Variants in TMEM160 observed in about 807,000 individuals in gnomAD.
TMEM160 encodes transmembrane protein 160.
Under a neutral mutation model 13.9 loss-of-function variants are expected in TMEM160, and 10 were observed. The ratio of observed to expected loss-of-function variants is 0.72; its 90% CI spans 0.45 to 1.22. The LOEUF is 1.22. Among genes scored for constraint, TMEM160 ranks in the 50% most tolerant of loss-of-function variants. TMEM160 has a pLI of 0.00. For missense variants in TMEM160, 287 were observed against 283.2 expected (o/e 1.01, Z -0.10); for synonymous variants, 159 against 134.8 (o/e 1.18, Z -1.25).
At position 47,048,580 on chromosome 19, in the gene TMEM160, C is replaced by A. The variant is rs760005587; in HGVS notation, c.35G>T (p.Arg12Leu). 99 of 1,523,080 alleles carry A rather than the reference C, an allele frequency of 6.5e-5. No individual in the cohort carries two copies. Among genetic ancestry groups the A allele is most frequent in the Non-Finnish European group, 7.9e-5 (91 of 1,144,768 alleles). 94.3% of individuals were successfully genotyped at this position (1,523,080 alleles called of 1,614,324 possible). A position where few individuals can be genotyped will look rare whatever the true frequency, so the allele number is the denominator to read the frequency against. The change falls in exon 1 of 3, where the codon CGC becomes CTC. Residue 12 changes from arginine to leucine, a missense_variant. Arg to Leu is a moderately radical substitution (Grantham distance 102). Coordinates refer to ENST00000253047, the MANE Select transcript of TMEM160 (RefSeq NM_017854.2). ...CCTCCGGAAGCGAAGACGGGCAAGGCGAGCGGCCCGAGCCCACCACCAGCC... is the reference window on the plus strand; with the variant it reads ...CCTCCGGAAGCGAAGACGGGCAAGGAGAGCGGCCCGAGCCCACCACCAGCC... ...GGGWWWARAARLARLRFRRSL... is the reference protein window; with the variant it reads ...GGGWWWARAALLARLRFRRSL...
At position 47,046,614 on chromosome 19, in the gene TMEM160, T is replaced by C. The variant is rs762166519; in HGVS notation, c.280A>G (p.Met94Val). ...TCACCATATGCTGCTTCCCGACCCATGTCACTCTGCATGAAGGAGATGACC... is the reference window on the plus strand; with the variant it reads ...TCACCATATGCTGCTTCCCGACCCACGTCACTCTGCATGAAGGAGATGACC... ...IGVISFMQSDMGREAAYGFFL... is the reference protein window; with the variant it reads ...IGVISFMQSDVGREAAYGFFL... Residue 94 changes from methionine (M) to valine (V), a missense_variant, in exon 2 of 3, where the codon ATG becomes GTG. Physicochemically the swap from Met to Val is conservative, Grantham distance 21 (BLOSUM62 1). Coordinates refer to ENST00000253047, the MANE Select transcript of TMEM160 (RefSeq NM_017854.2). 11 of 1,613,084 alleles carry C rather than the reference T, an allele frequency of 6.8e-6. No individual in the cohort carries two copies. Among genetic ancestry groups the C allele is most frequent in the Middle Eastern group, 1.6e-4 (1 of 6,062 alleles).
At chr19:47,047,931 A>G (rs889877032) in intron 1 of TMEM160, 11 of 984,584 alleles carry the variant, frequency 1.1e-5, no homozygotes, top group Non-Finnish European at 9.6e-6. Context: ...CGCCCTCTGC[A>G]GCCTAGATCA....
rs776380800 is a variant in TMEM160, at chr19:47,046,226, C to T, written c.328G>A (p.Val110Met). The T allele has an allele frequency of 2.0e-6, 3 of 1,536,622 alleles. No individual in the cohort carries two copies. Among genetic ancestry groups the T allele is most frequent in the East Asian group, 2.4e-5 (1 of 40,986 alleles). The change falls in exon 3 of 3, where the codon GTG (valine) becomes ATG (methionine). Residue 110 changes from valine to methionine, a missense_variant. Transcript: ENST00000253047. The stretch of plus-strand genomic sequence containing the variant: ...GCGTACGAGGCGCTGCCCCACACCA[C>T]GCACAGGCCGCCCAGCAGGAAGAAG... ...YGFFLLGGLC[V>M]VWGSASYAVG...
At chr19:47,046,564 G>A (rs377540942) in intron 2 of TMEM160, 29 bp downstream of exon 2, 66 of 1,579,694 alleles carry the variant, frequency 4.2e-5, no homozygotes, top group Non-Finnish European at 5.1e-5. Context: ...CCCTGGTTCC[G>A]TGGGGCGAGA....
intron 1 of TMEM160, 96 bp downstream of exon 1, chr19:47,048,311 G>A (rs2057091800): frequency 1.8e-6 from 2 of 1,126,772 alleles, no homozygotes; most frequent in East Asian, 6.0e-5. Context: ...GCCGAGCCCG[G>A]GCCCCGTTTC....
intron 1 of TMEM160, chr19:47,047,640 CAA>C (rs2057088026): frequency 2.1e-6 from 2 of 947,208 alleles, no homozygotes; most frequent in Non-Finnish European, 2.5e-6. Context: ...TCTCTGAGCC[CAA>C]GAGTTCAGAC....
intron 1 of TMEM160, chr19:47,047,285 T>C (rs986957464): frequency 1.0e-6 from 1 of 985,356 alleles, no homozygotes; most frequent in African/African-American, 1.7e-5. Context: ...AGAACCTCCA[T>C]CTGAGGAGTC....
At position 47,048,557 on chromosome 19, in the gene TMEM160, T is replaced by C; in HGVS notation, c.58A>G (p.Arg20Gly). 6.6e-7 allele frequency: 1 copy of C among 1,512,436 alleles called. No individual in the cohort carries two copies. The highest frequency in any genetic ancestry group is 8.8e-7 in the Non-Finnish European group (1 of 1,138,654). 93.7% of individuals were successfully genotyped at this position (1,512,436 alleles called of 1,614,324 possible). ...AARLARLRFR[R>G]SLLPPQRPRS... is the part of the protein sequence containing the mutation. ...GGCCGCTGAGGCGGCAGTAGCGACC[T>C]CCGGAAGCGAAGACGGGCAAGGCGA... The change falls in exon 1 of 3, where the codon AGG (arginine) becomes GGG (glycine). Residue 20 changes from arginine to glycine, a missense_variant. Arg to Gly is a moderately radical substitution (Grantham distance 125, BLOSUM62 -2). Transcript: ENST00000253047.
chr19:47,047,749 G>A, intron 1 of TMEM160: 2 of 551,694 alleles, frequency 3.6e-6, no homozygotes, highest in Non-Finnish European at 4.6e-6. Flanking sequence ...AGGAGGCTGA[G>A]GCAAGAGGAT....
chr19:47,048,395 CT>C lies in TMEM160; in HGVS notation c.208+11del. 1 of 1,492,982 alleles carries C rather than the reference CT, an allele frequency of 6.7e-7. No individual in the cohort carries two copies. The highest frequency in any genetic ancestry group is 8.8e-7 in the Non-Finnish European group (1 of 1,130,176). 92.5% of individuals were successfully genotyped at this position (1,492,982 alleles called of 1,614,324 possible). On this transcript the variant is annotated intron_variant, in intron 1 of 2. Coordinates refer to ENST00000253047, the MANE Select transcript of TMEM160 (RefSeq NM_017854.2). Reference sequence around the variant, plus strand: ...CGTCCCATCCGCACCGCCCCCACCCCTAGCCACCGACCTGTCTCGTGCGCTT... The same window carrying C: ...CGTCCCATCCGCACCGCCCCCACCCCAGCCACCGACCTGTCTCGTGCGCTT...
In TMEM160 at chr19:47,048,606, G is replaced by A. The variant is rs560957693; in HGVS notation, c.9C>T (p.Gly3=). The A allele has an allele frequency of 5.5e-5, 84 of 1,533,786 alleles. 1 individual carries two copies. The highest frequency in any genetic ancestry group is 2.7e-5 in the Non-Finnish European group (31 of 1,149,972). MG[G]GWWWARAARL... ...GAGCGGCCCGAGCCCACCACCAGCCGCCTCCCATGATTCGCACTACGGCCG... is the reference window on the plus strand; with the variant it reads ...GAGCGGCCCGAGCCCACCACCAGCCACCTCCCATGATTCGCACTACGGCCG... The change falls in exon 1 of 3, where the codon GGC becomes GGT. Residue 3 remains glycine, a synonymous_variant. Transcript: ENST00000253047.
Position 47,046,638 on chromosome 19 carries a change from C to T in TMEM160, c.256G>A (p.Val86Ile). The T allele has an allele frequency of 5.0e-6, 8 of 1,613,562 alleles. No individual in the cohort carries two copies. Among genetic ancestry groups the T allele is most frequent in the Non-Finnish European group, 6.8e-6 (8 of 1,179,930 alleles). ...RNGLLASGIG[V>I]ISFMQSDMGR... is the part of the protein sequence containing the mutation. Reference sequence around the variant, plus strand: ...ATGTCACTCTGCATGAAGGAGATGACCCCGATGCCCGATGCCAGGAGGCCA... The same window carrying T: ...ATGTCACTCTGCATGAAGGAGATGATCCCGATGCCCGATGCCAGGAGGCCA... The change falls in exon 2 of 3, where the codon GTC becomes ATC. Residue 86 changes from valine (V) to isoleucine (I), a missense_variant. Val to Ile is a conservative substitution (Grantham distance 29, BLOSUM62 3). Coordinates refer to ENST00000253047, the MANE Select transcript of TMEM160 (RefSeq NM_017854.2).
At chr19:47,046,864 C>T (rs1020249987) in intron 1 of TMEM160, among the ~76,000 whole-genome samples, 179 bp from the exon 2 acceptor site, 11 of 152,202 alleles carry the variant, frequency 7.2e-5, no homozygotes, top group African/African-American at 1.2e-4. Flanking sequence ...CATATCCCCC[C>T]ACATCCTCTC....
intron 2 of TMEM160, 131 bp downstream of exon 2, chr19:47,046,462 G>T: frequency 2.1e-6 from 2 of 940,374 alleles, no homozygotes; most frequent in Non-Finnish European, 3.3e-6. Context: ...TCTTCTGGTG[G>T]GGGAAGAATG....
chr19:47,047,082 T>G (rs946281067), intron 1 of TMEM160, among the ~76,000 whole-genome samples: 1 of 152,148 alleles, frequency 6.6e-6, no homozygotes, highest in African/African-American at 2.4e-5. Flanking sequence ...TGGTAGCACG[T>G]GCTTGTAGTC....
rs746569691 is a variant in TMEM160, at chr19:47,046,576, G to C, written c.301+17C>G. The stretch of plus-strand genomic sequence containing the variant: ...ATTCCCTGGTTCCGTGGGGCGAGAG[G>C]GGGGGTCTGCACTCACCATATGCTG... On this transcript the variant is annotated intron_variant, in intron 2 of 2. Transcript: ENST00000253047. 4 of 1,600,660 alleles carry C rather than the reference G, an allele frequency of 2.5e-6. No individual in the cohort carries two copies. Among genetic ancestry groups the C allele is most frequent in the Admixed American group, 1.7e-5 (1 of 59,948 alleles).
chr19:47,046,497 G>A, intron 2 of TMEM160, 96 bp downstream of exon 2: 4 of 1,081,834 alleles, frequency 3.7e-6, no homozygotes, highest in Non-Finnish European at 5.6e-6. Context: ...ACTACTGGGA[G>A]TGGGATGGGG....
chr19:47,046,280 G>A lies in TMEM160; in HGVS notation c.302-28C>T, dbSNP rs577561392. The A allele has an allele frequency of 3.8e-5, 57 of 1,519,076 alleles. No individual in the cohort carries two copies. The East Asian group carries it at 1.2e-3, about 32-fold the overall frequency. The allele number at this position is 1,519,076 out of a possible 1,614,324, so 94.1% of individuals were successfully genotyped here. ...GCGGGAGAGGCAGGGTAGCAACAGG[G>A]CCAAGGTCGGGGGATGGTCTGGGAG... On this transcript the variant is annotated intron_variant, in intron 2 of 2. Transcript: ENST00000253047.
Position 47,046,652 on chromosome 19 carries a change from G to T in TMEM160, c.242C>A (p.Ala81Glu), listed in dbSNP as rs762213003. The change falls in exon 2 of 3, where the codon GCA (alanine) becomes GAA (glutamate). Residue 81 changes from alanine to glutamate, a missense_variant. By Grantham distance (107) the Ala-to-Glu change is moderately radical. Coordinates refer to ENST00000253047, the MANE Select transcript of TMEM160 (RefSeq NM_017854.2). ...FLSWFRNGLL[A>E]SGIGVISFMQ... ...GAAGGAGATGACCCCGATGCCCGATGCCAGGAGGCCATTGCGGAACCAGGA... is the reference window on the plus strand; with the variant it reads ...GAAGGAGATGACCCCGATGCCCGATTCCAGGAGGCCATTGCGGAACCAGGA... The T allele has an allele frequency of 6.2e-7, 1 of 1,613,392 alleles. No individual in the cohort carries two copies. The highest frequency in any genetic ancestry group is 8.5e-7 in the Non-Finnish European group (1 of 1,179,900).
Sources: gnomAD v4.1 joint callset for allele counts (sites outside exome capture counted in the v4.1 genomes callset) on GRCh38, gnomAD v4.1.1 for gene constraint, MANE v1.5 for transcripts, NCBI Gene and HGNC (gene_info 2026-07-23, HGNC 2026-07-21) for gene names.